OPHN1: variants seen among roughly 807,000 people sequenced by gnomAD.
The protein encoded by OPHN1 is oligophrenin-1.
Under a neutral mutation model 60.7 loss-of-function variants are expected in OPHN1, and 11 were observed. The ratio of observed to expected loss-of-function variants is 0.18; its 90% CI spans 0.11 to 0.30. OPHN1 has a LOEUF of 0.30. Among genes scored for constraint, OPHN1 ranks in the 10% least tolerant of loss-of-function variants. The pLI is 1.00. For missense variants in OPHN1, 449 were observed against 611.0 expected (o/e 0.73, Z 2.80); for synonymous variants, 226 against 222.6 (o/e 1.02, Z -0.14).
chrX:68,196,777 A>T (rs865867564), intron 12 of OPHN1, among the ~76,000 whole-genome samples: 2 of 112,290 alleles, frequency 1.8e-5, no homozygotes, highest in South Asian at 7.4e-4. Context: ...TTCTGAATAA[A>T]TGTTTAATAA....
chrX:68,113,209 T>C lies in OPHN1; in HGVS notation c.1392A>G (p.Arg464=). The C allele has an allele frequency of 8.3e-7, 1 of 1,208,529 alleles. No individual in the cohort carries two copies. Among genetic ancestry groups the C allele is most frequent in the Non-Finnish European group, 1.1e-6 (1 of 892,862 alleles). ...CAGCAGAGACCAGCTCTTTGTGAAGTCTATAGGTCATGACAGGTTCAGAAA... is the reference window on the plus strand; with the variant it reads ...CAGCAGAGACCAGCTCTTTGTGAAGCCTATAGGTCATGACAGGTTCAGAAA... The part of the protein sequence containing the change: ...RNLSEPVMTY[R]LHKELVSAAK... The change falls in exon 17 of 25, where the codon AGA becomes AGG. Residue 464 remains arginine, a synonymous_variant. Transcript: ENST00000355520.
chrX:68,234,666 A>ATATG, intron 5 of OPHN1, 78 bp from the exon 6 acceptor site: 1 of 807,922 alleles, frequency 1.2e-6, no homozygotes, highest in African/African-American at 2.0e-5. Flanking sequence ...AATGAAGGAG[A>ATATG]TAGTGTCAGG....
chrX:68,257,024 T>C (rs2077867280), intron 5 of OPHN1, among the ~76,000 whole-genome samples: 2 of 103,024 alleles, frequency 1.9e-5, no homozygotes, highest in African/African-American at 3.6e-5. Context: ...AGAGCGAGAC[T>C]CCATCTCAAA....
chrX:68,310,422 A>C (rs2078167264), intron 2 of OPHN1, among the ~76,000 whole-genome samples: 1 of 107,264 alleles, frequency 9.3e-6, no homozygotes, highest in Admixed American at 9.9e-5. Flanking sequence ...GCACCACGCA[A>C]GCTCTAAGAA....
At chrX:68,250,109 G>A (rs2077826065) in intron 5 of OPHN1, among the ~76,000 whole-genome samples, 1 of 112,044 alleles carries the variant, frequency 8.9e-6, no homozygotes, top group Non-Finnish European at 1.9e-5. Context: ...TCCGCCCCAA[G>A]GGAAATTGCC....
intron 2 of OPHN1, among the ~76,000 whole-genome samples, chrX:68,384,800 A>G (rs1230754693): frequency 9.0e-6 from 1 of 111,625 alleles, no homozygotes; most frequent in Non-Finnish European, 1.9e-5. Flanking sequence ...AAGTGAAGTA[A>G]CTCAGCACTG....
At chrX:68,090,343 C>G (rs903464981) in intron 19 of OPHN1, among the ~76,000 whole-genome samples, 3 of 108,530 alleles carry the variant, frequency 2.8e-5, no homozygotes, top group African/African-American at 1.0e-4. Context: ...ACAGTAAAAT[C>G]TATAAAGTAT....
intron 15 of OPHN1, among the ~76,000 whole-genome samples, chrX:68,153,148 T>A (rs370930208): frequency 9.6e-6 from 1 of 103,842 alleles, no homozygotes; most frequent in African/African-American, 3.6e-5. Context: ...GAGGCGGAGG[T>A]TGCAGTGAGC....
In OPHN1 at chrX:68,426,699, CA is replaced by C. The variant is rs778079057; in HGVS notation, c.154+6167del. 5.1e-3 allele frequency among the ~76,000 whole-genome samples: 187 copies of C among 36,723 alleles called. 9 individuals carry two copies. The highest frequency in any genetic ancestry group is 0.014 in the African/African-American group (181 of 12,954). 31.9% of individuals were successfully genotyped at this position (36,723 alleles called of 115,157 possible). On this transcript the variant is annotated intron_variant, in intron 2 of 24. Transcript: ENST00000355520. ...GCAACATGGCAGGACCGCATCTCTCCAAAAAAAAAAAAAAAAAATTAGTTAG... is the reference window on the plus strand; with the variant it reads ...GCAACATGGCAGGACCGCATCTCTCCAAAAAAAAAAAAAAAAATTAGTTAG...
chrX:68,190,812 G>C (rs773575940), intron 15 of OPHN1, among the ~76,000 whole-genome samples: 20 of 112,465 alleles, frequency 1.8e-4, no homozygotes, highest in Non-Finnish European at 3.4e-4. Context: ...CACGATGTCA[G>C]CTGATTTACA....
intron 3 of OPHN1, 150 bp from the exon 4 acceptor site, chrX:68,283,267 G>T (rs2147605808): frequency 2.4e-5 from 11 of 461,679 alleles, no homozygotes; most frequent in Non-Finnish European, 4.2e-5. Context: ...AAAAGCAGGT[G>T]TTCAGCACCT....
intron 2 of OPHN1, among the ~76,000 whole-genome samples, chrX:68,352,017 C>A (rs1487970054): frequency 9.2e-6 from 1 of 108,747 alleles, no homozygotes; most frequent in African/African-American, 3.3e-5. Context: ...GCTGGGACTA[C>A]AGTTGCCCGC....
chrX:68,136,565 A>G (rs1270699155), intron 15 of OPHN1, among the ~76,000 whole-genome samples: 2 of 111,074 alleles, frequency 1.8e-5, no homozygotes, highest in East Asian at 5.7e-4. Context: ...AGCCTCCCAA[A>G]GTGCTGGGAT....
chrX:68,101,796 T>A (rs1045189734), intron 18 of OPHN1, among the ~76,000 whole-genome samples: 2 of 112,414 alleles, frequency 1.8e-5, no homozygotes, highest in Admixed American at 1.9e-4. Flanking sequence ...AATCTTAACA[T>A]CAGTAAGGTG....
At chrX:68,090,695 T>C (rs1219330032) in intron 19 of OPHN1, among the ~76,000 whole-genome samples, 1 of 110,916 alleles carries the variant, frequency 9.0e-6, no homozygotes, top group African/African-American at 3.3e-5. Context: ...ACACTGGAGT[T>C]CCCACAAACT....
intron 15 of OPHN1, among the ~76,000 whole-genome samples, chrX:68,189,510 C>G (rs1434188661): frequency 1.8e-5 from 2 of 108,399 alleles, no homozygotes; most frequent in Non-Finnish European, 3.8e-5. Flanking sequence ...CCCACCTCCC[C>G]CAACCCCACA....
At chrX:68,351,820 C>CCGAGTAGCT (rs1190973961) in intron 2 of OPHN1, among the ~76,000 whole-genome samples, 1 of 108,554 alleles carries the variant, frequency 9.2e-6, no homozygotes, top group African/African-American at 3.4e-5. Context: ...CCACAGCCTC[C>CCGAGTAGCT]CGAGTAGCTG....
chrX:68,213,915 C>T lies in OPHN1; in HGVS notation c.544G>A (p.Val182Ile), dbSNP rs767305224. Residue 182 changes from valine (V) to isoleucine (I), a missense_variant, in exon 7 of 25, where the codon GTT (valine) becomes ATT (isoleucine). Around this residue, in one of 4 missense-constraint regions of OPHN1, gnomAD observed 99 missense variants for 155.2 expected, o/e 0.64. Coordinates refer to ENST00000355520, the MANE Select transcript of OPHN1 (RefSeq NM_002547.3). The stretch of plus-strand genomic sequence containing the variant: ...TCCTGAACTTCCTGGATTTGATAAA[C>T]ATAATCAAGAGAGGACTCGAAAAAA... ...HNFFESSLDY[V>I]YQIQEVQESK... The T allele has an allele frequency of 4.1e-6, 5 of 1,207,284 alleles. No individual in the cohort carries two copies. Among genetic ancestry groups the T allele is most frequent in the Middle Eastern group, 2.3e-4 (1 of 4,343 alleles).
chrX:68,374,499 T>C (rs2078546220), intron 2 of OPHN1, among the ~76,000 whole-genome samples: 1 of 111,028 alleles, frequency 9.0e-6, no homozygotes, highest in African/African-American at 3.3e-5. Context: ...TCACCCAGGC[T>C]GGAGTGCAGT....
Sources: allele counts gnomAD v4.1 joint callset (sites outside exome capture counted in the v4.1 genomes callset), GRCh38; gene constraint gnomAD v4.1.1; regional missense constraint gnomAD v4.1.1; transcripts MANE v1.5; gene names NCBI Gene and HGNC (gene_info 2026-07-23, HGNC 2026-07-21).